Variants in DRC11 observed in about 807,000 individuals in gnomAD.
The protein encoded by DRC11 is IQ and AAA domain-containing protein 1.
At chr2:236,375,647 A>G in the DRC11 span, among the ~76,000 whole-genome samples, 1 of 152,206 alleles carries the variant, frequency 6.6e-6, no homozygotes, top group Non-Finnish European at 1.5e-5. This position sits in a 1 kb window ranked among gnomAD's most constrained non-coding sequence, Gnocchi z 4.2. Flanking sequence ...GGATTAAAAT[A>G]ACCACCCTTT....
chr2:236,317,003 CAT>C, the DRC11 span, among the ~76,000 whole-genome samples: 4,832 of 152,228 alleles, frequency 0.032, 249 homozygotes, highest in African/African-American at 0.11. This position sits in a 1 kb window ranked among gnomAD's most constrained non-coding sequence, Gnocchi z 5.4. Flanking sequence ...AAGAAAAAAT[CAT>C]AGGCGCTCAG....
At chr2:236,376,031 C>T in the DRC11 span, among the ~76,000 whole-genome samples, 3 of 152,152 alleles carry the variant, frequency 2.0e-5, no homozygotes, top group Admixed American at 2.0e-4. The surrounding 1 kb of genome is among the most constrained non-coding windows in gnomAD (Gnocchi z 5.7). Context: ...TGATGCTTTA[C>T]AGTGGAGAAA....
At chr2:236,359,017 C>G in the DRC11 span, among the ~76,000 whole-genome samples, 1 of 151,662 alleles carries the variant, frequency 6.6e-6, no homozygotes, top group East Asian at 1.9e-4. This position sits in a 1 kb window ranked among gnomAD's most constrained non-coding sequence, Gnocchi z 4.3. Flanking sequence ...TTCCTGTATC[C>G]GCCTTGCCAG....
the DRC11 span, among the ~76,000 whole-genome samples, chr2:236,498,821 A>G: frequency 6.6e-6 from 1 of 152,036 alleles, no homozygotes; most frequent in Non-Finnish European, 1.5e-5. Context: ...CAATACCTTC[A>G]TGGTAGAGAT....
chr2:236,346,114 A>G, the DRC11 span, among the ~76,000 whole-genome samples: 50,477 of 152,068 alleles, frequency 0.33, 8,683 homozygotes, highest in Non-Finnish European at 0.38. Context: ...GCACCATTTG[A>G]TAGGTATTTT....
the DRC11 span, among the ~76,000 whole-genome samples, chr2:236,498,131 G>A: frequency 2.6e-5 from 4 of 152,066 alleles, no homozygotes; most frequent in Admixed American, 2.0e-4. Flanking sequence ...AAGAATCTTA[G>A]AACCATGATG....
At chr2:236,479,706 CT>C in the DRC11 span, among the ~76,000 whole-genome samples, 3 of 152,178 alleles carry the variant, frequency 2.0e-5, no homozygotes, top group Non-Finnish European at 1.5e-5. The surrounding 1 kb of genome is among the most constrained non-coding windows in gnomAD (Gnocchi z 4.1). Flanking sequence ...TAACAATCTG[CT>C]GTAGTTACTG....
chr2:236,338,300 G>C, the DRC11 span: 1 of 1,614,026 alleles, frequency 6.2e-7, no homozygotes, highest in Non-Finnish European at 8.5e-7. Context: ...ACGCCGTGTG[G>C]TCCCCACAAT....
At chr2:236,357,054 C>G in the DRC11 span, among the ~76,000 whole-genome samples, 1 of 77,952 alleles carries the variant, frequency 1.3e-5, no homozygotes, top group South Asian at 3.1e-4. Context: ...TATTATATAT[C>G]TATTTATATA....
chr2:236,408,103 T>A, the DRC11 span: 1 of 633,766 alleles, frequency 1.6e-6, no homozygotes, highest in Admixed American at 1.8e-5. This position sits in a 1 kb window ranked among gnomAD's most constrained non-coding sequence, Gnocchi z 5.5. Context: ...CACTTCACCA[T>A]ATGGGACAAA....
At chr2:236,408,972 T>C in the DRC11 span, 6 of 705,102 alleles carry the variant, frequency 8.5e-6, no homozygotes, top group Non-Finnish European at 1.3e-5. The surrounding 1 kb of genome is among the most constrained non-coding windows in gnomAD (Gnocchi z 5.5). Flanking sequence ...CTTGGAAGGG[T>C]CATCCTTAGG....
the DRC11 span, among the ~76,000 whole-genome samples, chr2:236,401,099 A>G: frequency 6.6e-6 from 1 of 152,098 alleles, no homozygotes; most frequent in Non-Finnish European, 1.5e-5. This position sits in a 1 kb window ranked among gnomAD's most constrained non-coding sequence, Gnocchi z 4.6. Context: ...TCCCCACAGG[A>G]CACAGTCCAA....
the DRC11 span, among the ~76,000 whole-genome samples, chr2:236,401,654 C>A: frequency 1.3e-5 from 2 of 151,738 alleles, no homozygotes; most frequent in Non-Finnish European, 2.9e-5. The surrounding 1 kb of genome is among the most constrained non-coding windows in gnomAD (Gnocchi z 4.6). Flanking sequence ...AGGCTGAGAG[C>A]GTGAAGTCAG....
At chr2:236,324,202 G>T in the DRC11 span, 3 of 152,350 alleles carry the variant, frequency 2.0e-5, no homozygotes, top group East Asian at 1.9e-4. The surrounding 1 kb of genome is among the most constrained non-coding windows in gnomAD (Gnocchi z 5.7). Context: ...CTAGAGCAAA[G>T]AATTAATTTA....
At chr2:236,356,604 C>G in the DRC11 span, among the ~76,000 whole-genome samples, 1 of 152,114 alleles carries the variant, frequency 6.6e-6, no homozygotes, top group Non-Finnish European at 1.5e-5. Context: ...CTTTTCTCAT[C>G]TGTAAAATGG....
chr2:236,476,663 A>T, the DRC11 span, among the ~76,000 whole-genome samples: 3 of 152,082 alleles, frequency 2.0e-5, no homozygotes, highest in Non-Finnish European at 2.9e-5. The surrounding 1 kb of genome is among the most constrained non-coding windows in gnomAD (Gnocchi z 4.7). Context: ...TGATTTGTGT[A>T]TGTTGAACCA....
At chr2:236,417,034 G>A in the DRC11 span, among the ~76,000 whole-genome samples, 1 of 148,932 alleles carries the variant, frequency 6.7e-6, no homozygotes, top group Non-Finnish European at 1.5e-5. Context: ...TGCTGGGATT[G>A]CAGGTATGTA....
chr2:236,403,129 A>G, the DRC11 span, among the ~76,000 whole-genome samples: 5 of 147,324 alleles, frequency 3.4e-5, no homozygotes, highest in Non-Finnish European at 7.5e-5. Context: ...AAGGAAGAGG[A>G]GGAGGGGGAG....
the DRC11 span, among the ~76,000 whole-genome samples, chr2:236,358,526 T>G: frequency 6.9e-6 from 1 of 145,246 alleles, no homozygotes; most frequent in Non-Finnish European, 1.5e-5. Flanking sequence ...AAAGAAGTTA[T>G]AAGGCAGGGC....
Sources: allele counts gnomAD v4.1 joint callset (sites outside exome capture counted in the v4.1 genomes callset), GRCh38; gene constraint gnomAD v4.1.1; non-coding constraint Gnocchi (gnomAD v3.1); transcripts MANE v1.5; gene names NCBI Gene and HGNC (gene_info 2026-07-23, HGNC 2026-07-21).